The following PCOLCE2 variants were observed in gnomAD, a reference collection of about 807,000 sequenced individuals.
PCOLCE2 encodes procollagen C-endopeptidase enhancer 2.
In PCOLCE2, 42 loss-of-function variants were observed where a neutral mutation model predicts 47.0. That is an observed-to-expected ratio of 0.89 (90% CI 0.70 to 1.16). The LOEUF (loss-of-function observed/expected upper bound fraction) is 1.16, where lower values mean the gene tolerates loss of function less well. PCOLCE2 is among the 50% of genes most tolerant of loss of function. The pLI is 0.00. For missense variants in PCOLCE2, 500 were observed against 526.1 expected (o/e 0.95, Z 0.49); for synonymous variants, 169 against 191.7 (o/e 0.88, Z 0.98).
intron 2 of PCOLCE2, among the ~76,000 whole-genome samples, chr3:142,881,766 C>T (rs906084942): frequency 5.3e-5 from 8 of 151,972 alleles, no homozygotes; most frequent in African/African-American, 1.2e-4. Context: ...AATATTGTTA[C>T]GGGATATGTG....
At chr3:142,851,781 T>C (rs1932946975) in intron 2 of PCOLCE2, among the ~76,000 whole-genome samples, 1 of 152,166 alleles carries the variant, frequency 6.6e-6, no homozygotes, top group Non-Finnish European at 1.5e-5. Flanking sequence ...TTTTAGATTA[T>C]TTCATCAAGG....
intron 2 of PCOLCE2, among the ~76,000 whole-genome samples, chr3:142,856,816 G>A (rs936344529): frequency 6.6e-6 from 1 of 151,986 alleles, no homozygotes; most frequent in Middle Eastern, 3.4e-3. Flanking sequence ...CAAATCTTCT[G>A]AGCAAGTTAT....
intron 2 of PCOLCE2, among the ~76,000 whole-genome samples, chr3:142,859,581 CGAA>C (rs1374316354): frequency 2.0e-5 from 3 of 149,210 alleles, no homozygotes; most frequent in Non-Finnish European, 3.0e-5. Flanking sequence ...TTTTTTGAGA[CGAA>C]GTCTCTCTGT....
intron 2 of PCOLCE2, among the ~76,000 whole-genome samples, chr3:142,886,351 A>C (rs570964281): frequency 6.6e-6 from 1 of 151,260 alleles, no homozygotes; most frequent in Admixed American, 6.6e-5. Flanking sequence ...GGTCGTTTAA[A>C]ACTTATGGCC....
chr3:142,868,601 G>A (rs1023578140), intron 2 of PCOLCE2, among the ~76,000 whole-genome samples: 4 of 151,786 alleles, frequency 2.6e-5, no homozygotes, highest in Non-Finnish European at 5.9e-5. Context: ...TACCTGCTCC[G>A]CCCTGACTCA....
intron 2 of PCOLCE2, among the ~76,000 whole-genome samples, chr3:142,851,590 GTGGGA>G (rs1474408828): frequency 2.6e-5 from 4 of 152,186 alleles, no homozygotes; most frequent in African/African-American, 9.7e-5. Context: ...AACAGTGGAA[GTGGGA>G]GGCTGAGGAA....
At chr3:142,835,140 T>A (rs1937188607) in intron 5 of PCOLCE2, among the ~76,000 whole-genome samples, 1 of 152,228 alleles carries the variant, frequency 6.6e-6, no homozygotes, top group Admixed American at 6.5e-5. Flanking sequence ...CTTTCTCTCA[T>A]TAACAGTTAG....
chr3:142,841,683 A>T (rs953869625), intron 4 of PCOLCE2, among the ~76,000 whole-genome samples: 3 of 152,216 alleles, frequency 2.0e-5, no homozygotes, highest in Admixed American at 2.0e-4. Flanking sequence ...ATATATGTGT[A>T]TATGTTCAAA....
Position 142,818,385 on chromosome 3 carries a change from T to C in PCOLCE2, c.1198A>G (p.Lys400Glu). The C allele has an allele frequency of 1.9e-6, 3 of 1,613,594 alleles. No individual in the cohort carries two copies. Among genetic ancestry groups the C allele is most frequent in the Non-Finnish European group, 2.5e-6 (3 of 1,179,548 alleles). Residue 400 changes from lysine to glutamate, a missense_variant, in exon 9 of 9, where the codon AAG becomes GAG. By Grantham distance (56) the Lys-to-Glu change is moderately conservative. Transcript: ENST00000295992. ...IMPNSFIMMF[K>E]TKNQKLLDAL... ...TCCAGGAGCTTCTGATTCTTGGTCT[T>C]GAACATCATGATAAAGCTGTTTGGC...
At chr3:142,831,480 G>A (rs2108188626) in intron 5 of PCOLCE2, among the ~76,000 whole-genome samples, 1 of 152,258 alleles carries the variant, frequency 6.6e-6, no homozygotes, top group East Asian at 1.9e-4. Flanking sequence ...AAATTACTCA[G>A]TTTCAGGTAT....
intron 2 of PCOLCE2, among the ~76,000 whole-genome samples, chr3:142,857,985 C>T (rs762567233): frequency 2.8e-4 from 42 of 152,192 alleles, no homozygotes; most frequent in Non-Finnish European, 5.0e-4. Context: ...TCTGTGAGGT[C>T]GTATGTAAAT....
intron 8 of PCOLCE2, 82 bp from the exon 9 acceptor site, chr3:142,818,547 T>A: frequency 9.7e-7 from 1 of 1,034,002 alleles, no homozygotes; most frequent in Non-Finnish European, 1.5e-6. Flanking sequence ...TACCTCTAGA[T>A]AAATGTTCTC....
chr3:142,832,348 C>T (rs2108189026), intron 5 of PCOLCE2, among the ~76,000 whole-genome samples: 1 of 152,222 alleles, frequency 6.6e-6, no homozygotes, highest in Admixed American at 6.5e-5. Context: ...TGAGCGTTAC[C>T]ATCTCTGCAG....
At chr3:142,822,490 T>C (rs1937026787) in intron 7 of PCOLCE2, among the ~76,000 whole-genome samples, 1 of 152,180 alleles carries the variant, frequency 6.6e-6, no homozygotes, top group Non-Finnish European at 1.5e-5. Context: ...GCAATGTTCA[T>C]AAAATCAGAA....
At chr3:142,829,622 T>C in intron 6 of PCOLCE2, 70 bp downstream of exon 6, 3 of 1,178,134 alleles carry the variant, frequency 2.5e-6, no homozygotes, top group Non-Finnish European at 3.5e-6. Flanking sequence ...TCTTATTTTT[T>C]TTCTACTTTA....
chr3:142,851,506 G>A (rs1274235788), intron 2 of PCOLCE2, among the ~76,000 whole-genome samples: 2 of 152,110 alleles, frequency 1.3e-5, no homozygotes, highest in Non-Finnish European at 1.5e-5. Flanking sequence ...ATCCAAACTG[G>A]GTTAGGATGG....
chr3:142,829,636 G>C, intron 6 of PCOLCE2, 56 bp downstream of exon 6: 8 of 1,326,320 alleles, frequency 6.0e-6, no homozygotes, highest in Non-Finnish European at 8.2e-6. Context: ...TACTTTAAAA[G>C]AATTCTTCTT....
At chr3:142,828,059 G>C (rs1465097605) in intron 6 of PCOLCE2, among the ~76,000 whole-genome samples, 1 of 152,212 alleles carries the variant, frequency 6.6e-6, no homozygotes, top group African/African-American at 2.4e-5. Flanking sequence ...GCCTGGACCA[G>C]CACGAGACTC....
chr3:142,829,776 A>G lies in PCOLCE2; in HGVS notation c.781T>C (p.Phe261Leu). The stretch of plus-strand genomic sequence containing the variant: ...GGCCTGAATATGTAGTGACCAATAA[A>G]CCCATCTGCAGTTAAACTTAAGTCT... ...LSDLSLTADG[F>L]IGHYIFRPKK... Residue 261 changes from phenylalanine (F) to leucine (L), a missense_variant, in exon 6 of 9, where the codon TTT becomes CTT. By Grantham distance (22) the Phe-to-Leu change is conservative (BLOSUM62 0). Transcript: ENST00000295992. 2 of 1,608,742 alleles carry G rather than the reference A, an allele frequency of 1.2e-6. No individual in the cohort carries two copies. Among genetic ancestry groups the G allele is most frequent in the Admixed American group, 1.7e-5 (1 of 59,930 alleles).
Sources: allele counts gnomAD v4.1 joint callset (sites outside exome capture counted in the v4.1 genomes callset), GRCh38; gene constraint gnomAD v4.1.1; transcripts MANE v1.5; gene names NCBI Gene and HGNC (gene_info 2026-07-23, HGNC 2026-07-21).